CACNA2D3: variants seen among roughly 807,000 people sequenced by gnomAD.
CACNA2D3 encodes the protein voltage-dependent calcium channel subunit alpha-2/delta-3.
A neutral mutation model predicts 160.6 loss-of-function variants in CACNA2D3; 60 were observed. That is an observed-to-expected ratio of 0.37 (90% confidence interval 0.30 to 0.46). CACNA2D3 has a LOEUF of 0.46. Ranked by LOEUF, CACNA2D3 falls within the 20% of genes least tolerant of loss-of-function variation. The pLI is 1.00. For synonymous variants in CACNA2D3, 558 were observed against 492.9 expected, an observed-to-expected ratio of 1.13 and a Z score of -1.75; for missense variants, 1,205 against 1,365.0, an observed-to-expected ratio of 0.88 and a Z score of 1.85.
At position 54,940,656 on chromosome 3, in the gene CACNA2D3, G is replaced by A. The variant is rs914542713; in HGVS notation, c.2450-27794G>A. 6.6e-5 allele frequency among the ~76,000 whole-genome samples: 10 copies of A among 151,298 alleles called. 1 individual carries two copies. Among genetic ancestry groups the A allele is most frequent in the African/African-American group, 2.5e-4 (10 of 40,614 alleles). ...CATCACTAGTTTTCTGGGTGTGAAT[G>A]CCTAAAAGGACCAAAAAGAAGCAAA... On this transcript the variant is annotated intron_variant, in intron 27 of 37. Transcript: ENST00000474759.
intron 14 of CACNA2D3, among the ~76,000 whole-genome samples, chr3:54,820,589 C>T (rs1703568742): frequency 6.6e-6 from 1 of 151,924 alleles, no homozygotes. Context: ...AGGTAGTGTC[C>T]TGAGGTTTTG....
At chr3:54,466,448 C>G (rs373151860) in intron 4 of CACNA2D3, among the ~76,000 whole-genome samples, 2 of 152,206 alleles carry the variant, frequency 1.3e-5, no homozygotes, top group East Asian at 1.9e-4. Context: ...GAAAACAAAA[C>G]AGTAATTATG....
At chr3:54,862,407 A>G (rs986195616) in intron 17 of CACNA2D3, among the ~76,000 whole-genome samples, 46 of 150,960 alleles carry the variant, frequency 3.0e-4, no homozygotes, top group African/African-American at 9.5e-4. Flanking sequence ...ACACACACGC[A>G]CACACACGCA....
At chr3:54,153,761 T>C (rs926587645) in intron 2 of CACNA2D3, among the ~76,000 whole-genome samples, 4 of 152,246 alleles carry the variant, frequency 2.6e-5, no homozygotes, top group Non-Finnish European at 5.9e-5. Flanking sequence ...TATTTTTATT[T>C]TATTATTTTT....
At chr3:54,146,770 C>T (rs1347642656) in intron 2 of CACNA2D3, among the ~76,000 whole-genome samples, 1 of 152,226 alleles carries the variant, frequency 6.6e-6, no homozygotes, top group Admixed American at 6.5e-5. Flanking sequence ...AGGGCCCCTC[C>T]ATCCCCGTTG....
At chr3:54,878,036 C>T (rs1289548319) in intron 18 of CACNA2D3, among the ~76,000 whole-genome samples, 1 of 152,166 alleles carries the variant, frequency 6.6e-6, no homozygotes, top group Non-Finnish European at 1.5e-5. Context: ...ATACATGCCT[C>T]CAGCTAAAAA....
intron 11 of CACNA2D3, among the ~76,000 whole-genome samples, chr3:54,718,207 T>A (rs1210854295): frequency 6.6e-6 from 1 of 152,190 alleles, no homozygotes; most frequent in Non-Finnish European, 1.5e-5. Context: ...TTTAATGCTA[T>A]CTTTTGATGA....
At chr3:54,243,026 T>A (rs1183048007) in intron 2 of CACNA2D3, among the ~76,000 whole-genome samples, 1 of 152,214 alleles carries the variant, frequency 6.6e-6, no homozygotes, top group Non-Finnish European at 1.5e-5. Context: ...AGGAGGAGAT[T>A]TGGGTCCGGG....
chr3:54,538,131 C>T (rs1701917226), intron 5 of CACNA2D3, among the ~76,000 whole-genome samples: 1 of 152,108 alleles, frequency 6.6e-6, no homozygotes, highest in African/African-American at 2.4e-5. Flanking sequence ...CAAGTCACAT[C>T]ACCTCCTTGG....
rs1055232234 is a variant in CACNA2D3, at chr3:54,345,127, T to A, written c.321+24569T>A. Reference sequence around the variant, plus strand: ...CATAAAAATGCACAACCGACAGCCCTTGGGGCTTCTCTGTCTGTGGAGTAG... The same window carrying A: ...CATAAAAATGCACAACCGACAGCCCATGGGGCTTCTCTGTCTGTGGAGTAG... On this transcript the variant is annotated intron_variant, in intron 3 of 37. Transcript: ENST00000474759. Among the ~76,000 whole-genome samples the A allele has an allele frequency of 1.2e-4, 18 of 152,236 alleles. 1 individual carries two copies. The highest frequency in any genetic ancestry group is 2.5e-4 in the Non-Finnish European group (17 of 68,034).
intron 2 of CACNA2D3, among the ~76,000 whole-genome samples, chr3:54,214,008 G>T (rs1350967470): frequency 1.3e-5 from 2 of 152,220 alleles, no homozygotes; most frequent in East Asian, 3.9e-4. Flanking sequence ...CTGAACCTTG[G>T]CATTTTAAGT....
At chr3:54,241,718 T>C (rs1274606524) in intron 2 of CACNA2D3, among the ~76,000 whole-genome samples, 1 of 152,152 alleles carries the variant, frequency 6.6e-6, no homozygotes, top group Non-Finnish European at 1.5e-5. Context: ...AGGTTGCCAG[T>C]GTAGGATAGG....
chr3:54,635,737 G>A (rs1699355374), intron 10 of CACNA2D3, among the ~76,000 whole-genome samples: 1 of 151,796 alleles, frequency 6.6e-6, no homozygotes, highest in African/African-American at 2.4e-5. Flanking sequence ...GAAGATGGAG[G>A]ACTGTAAGGG....
At chr3:54,568,129 T>G (rs61619218) in intron 6 of CACNA2D3, among the ~76,000 whole-genome samples, 4,196 of 152,312 alleles carry the variant, frequency 0.028, 171 homozygotes, top group African/African-American at 0.096. Context: ...GCCCTACTGT[T>G]TCTTTTCACA....
intron 2 of CACNA2D3, among the ~76,000 whole-genome samples, chr3:54,178,615 T>C (rs1057135200): frequency 6.6e-6 from 1 of 152,258 alleles, no homozygotes; most frequent in Non-Finnish European, 1.5e-5. Context: ...CTGGAAATTA[T>C]GAAATTGGCT....
intron 8 of CACNA2D3, among the ~76,000 whole-genome samples, chr3:54,573,112 C>T (rs1702526972): frequency 6.6e-6 from 1 of 152,162 alleles, no homozygotes; most frequent in African/African-American, 2.4e-5. Flanking sequence ...CCCATTAACC[C>T]TCACTGTGCA....
chr3:54,635,499 G>A (rs192693017), intron 10 of CACNA2D3, among the ~76,000 whole-genome samples: 1 of 151,438 alleles, frequency 6.6e-6, no homozygotes, highest in Non-Finnish European at 1.5e-5. Flanking sequence ...GGGATGACAA[G>A]TTTTTTTGGG....
At chr3:54,710,473 G>C (rs1483969323) in intron 11 of CACNA2D3, among the ~76,000 whole-genome samples, 1 of 152,176 alleles carries the variant, frequency 6.6e-6, no homozygotes, top group African/African-American at 2.4e-5. Flanking sequence ...TGACAGTTGT[G>C]GCAAGCGGGA....
At chr3:54,726,812 T>C (rs533223175) in intron 11 of CACNA2D3, among the ~76,000 whole-genome samples, 1 of 152,170 alleles carries the variant, frequency 6.6e-6, no homozygotes, top group Admixed American at 6.5e-5. Context: ...ATAAAAATCC[T>C]GTAAGGAAAC....
Sources: allele counts gnomAD v4.1 joint callset (sites outside exome capture counted in the v4.1 genomes callset), GRCh38; gene constraint gnomAD v4.1.1; transcripts MANE v1.5; gene names NCBI Gene and HGNC (gene_info 2026-07-23, HGNC 2026-07-21).